The following NPHS1 variants were observed in gnomAD, a reference collection of about 807,000 sequenced individuals.
The protein encoded by NPHS1 is NPHS1 adhesion molecule, nephrin.
In NPHS1, 107 loss-of-function variants were observed where a neutral mutation model predicts 139.7. The ratio of observed to expected loss-of-function variants is 0.77; its 90% confidence interval spans 0.66 to 0.90. NPHS1 has a LOEUF of 0.90. Ranked by LOEUF, NPHS1 falls within the 40% of genes least tolerant of loss-of-function variation. The pLI is 0.00. For synonymous variants in NPHS1, 707 were observed against 706.6 expected, an observed-to-expected ratio of 1.00 and a Z score of -0.01; for missense variants, 1,580 against 1,654.2, an observed-to-expected ratio of 0.96 and a Z score of 0.78.
chr19:35,850,539 C>G, intron 4 of NPHS1, 94 bp from the exon 5 acceptor site: 1 of 1,024,414 alleles, frequency 9.8e-7, no homozygotes, highest in Non-Finnish European at 1.5e-6. Flanking sequence ...GGGTGCGATG[C>G]CCCCTCCCTC....
In NPHS1 at chr19:35,848,918, A is replaced by G. The variant is rs988517789; in HGVS notation, c.1012+58T>C. On this transcript the variant is annotated intron_variant, in intron 8 of 28. Transcript: ENST00000378910. ...TCCAGTAGGCATAATTTGGGGGCACACACAGATGGTTCTCTGAGGCACAGA... is the reference window on the plus strand; with the variant it reads ...TCCAGTAGGCATAATTTGGGGGCACGCACAGATGGTTCTCTGAGGCACAGA... The G allele has an allele frequency of 5.8e-5, 93 of 1,610,826 alleles. 1 individual carries two copies. The Middle Eastern group carries it at 5.9e-4, about 10-fold the overall frequency.
In NPHS1 at chr19:35,830,887, G is replaced by C. The variant is rs1010795962; in HGVS notation, c.3551C>G (p.Pro1184Arg). 6.2e-7 allele frequency: 1 copy of C among 1,613,968 alleles called. No homozygotes were observed. The highest frequency in any genetic ancestry group is 1.7e-5 in the Admixed American group (1 of 60,008). The change falls in exon 28 of 29, where the codon CCC becomes CGC. Residue 1184 changes from proline to arginine, a missense_variant. Pro to Arg is a moderately radical substitution (Grantham distance 103). Transcript: ENST00000378910. ...HLYDEVERTY[P>R]PSGAWGPLYD... ...GAGGGGTCCCCAGGCTCCAGACGGG[G>C]GGTACGTTCTTTCTACCTCATCATA... is the stretch of plus-strand genomic sequence containing the variant.
At chr19:35,850,500 G>A (rs1973223453) in intron 4 of NPHS1, 55 bp from the exon 5 acceptor site, 2 of 1,478,332 alleles carry the variant, frequency 1.4e-6, no homozygotes, top group Non-Finnish European at 1.9e-6. Context: ...GATAGATTCT[G>A]GGGAGCATGG....
At position 35,848,334 on chromosome 19, in the gene NPHS1, C is replaced by G. The variant is rs142008044; in HGVS notation, c.1234G>C (p.Gly412Arg). 1.9e-6 allele frequency: 3 copies of G among 1,614,056 alleles called. No individual in the cohort carries two copies. Among genetic ancestry groups the G allele is most frequent in the South Asian group, 2.2e-5 (2 of 91,076 alleles). The change falls in exon 10 of 29, where the codon GGT (glycine) becomes CGT (arginine). Residue 412 changes from glycine (G) to arginine (R), a missense_variant. By Grantham distance (125) the Gly-to-Arg change is moderately radical. Coordinates refer to ENST00000378910, the MANE Select transcript of NPHS1 (RefSeq NM_004646.4). ...AAGGCCTCACATGTGAGGGTCAGAC[C>G]GTTGTCCTCCCGCCGCGCCAGGAAT... ...LTFLARREDN[G>R]LTLTCEAFSE...
Position 35,825,943 on chromosome 19 carries a change from TTTA to T in NPHS1, c.*568_*570del, listed in dbSNP as rs1972795459. On this transcript the variant is annotated 3_prime_UTR_variant, in exon 29 of 29. Transcript: ENST00000378910. ...TCAGAATAGCATTTTATTTTTTATT[TTTA>T]TTTTATTTTTATTTTTTGAGACAGA... is the stretch of plus-strand genomic sequence containing the variant. 1 of 152,526 alleles carries T rather than the reference TTTA, an allele frequency of 6.6e-6. No homozygotes were observed. The highest frequency in any genetic ancestry group is 2.4e-5 in the African/African-American group (1 of 41,410). 9.4% of individuals were successfully genotyped at this position (152,526 alleles called of 1,614,324 possible).
In NPHS1 at chr19:35,839,736, T is replaced by G. The variant is rs894063862; in HGVS notation, c.2816-129A>C. On this transcript the variant is annotated intron_variant, in intron 20 of 28. Transcript: ENST00000378910. ...CATTGTTCATAGCATACTCATGTTC[T>G]GTAAGGTCATGGTGAACACTGCTCT... 4 of 761,940 alleles carry G rather than the reference T, an allele frequency of 5.2e-6. No individual in the cohort carries two copies. In the Admixed American group the frequency reaches 6.1e-5, roughly 12 times the overall value. 47.2% of individuals were successfully genotyped at this position (761,940 alleles called of 1,614,324 possible).
At chr19:35,834,230 C>T (rs935909597) in intron 23 of NPHS1, among the ~76,000 whole-genome samples, 3 of 152,072 alleles carry the variant, frequency 2.0e-5, no homozygotes, top group Admixed American at 6.6e-5. Context: ...GCTTTTGACC[C>T]CCGTGACCAC....
intron 22 of NPHS1, among the ~76,000 whole-genome samples, chr19:35,837,129 C>T (rs1265033780): frequency 6.6e-6 from 1 of 152,014 alleles, no homozygotes; most frequent in Non-Finnish European, 1.5e-5. Flanking sequence ...GAGACACTTG[C>T]CTATGGTCAC....
chr19:35,837,026 AAAAGAAAGAAAGAAAGAAAGAAAG>A (rs201666209), intron 22 of NPHS1, among the ~76,000 whole-genome samples: 1,392 of 131,922 alleles, frequency 0.011, 28 homozygotes, highest in African/African-American at 0.038. Context: ...AAAAGAAAAG[AAAAGAAAGAAAGAAAGAAAGAAAG>A]AAAGAAAGAA....
Position 35,851,871 on chromosome 19 carries a change from C to T in NPHS1, c.-34G>A, listed in dbSNP as rs772015802. The T allele has an allele frequency of 4.8e-5, 74 of 1,542,256 alleles. No individual in the cohort carries two copies. In the Admixed American group the frequency reaches 7.5e-4, roughly 16 times the overall value. On this transcript the variant is annotated 5_prime_UTR_variant, in exon 1 of 29. Coordinates refer to ENST00000378910, the MANE Select transcript of NPHS1 (RefSeq NM_004646.4). Reference sequence around the variant, plus strand: ...CCCCTACTGTGACCCCCACAGCGCCCGCTGCCAGCCACCTGCGTCTGTCTG... The same window carrying T: ...CCCCTACTGTGACCCCCACAGCGCCTGCTGCCAGCCACCTGCGTCTGTCTG...
rs386833871 is a variant in NPHS1 at position 35,848,672 on chromosome 19, G to A, written c.1135C>T (p.Arg379Trp). The A allele has an allele frequency of 6.8e-6, 11 of 1,613,760 alleles. No homozygotes were observed. Among genetic ancestry groups the A allele is most frequent in the South Asian group, 4.4e-5 (4 of 91,052 alleles). The stretch of plus-strand genomic sequence containing the variant: ...GTCTCCTCCATGGGCAGCAGCTGCC[G>A]CCAGCCCAGCCACCATCGTAGCAGA... ...RVLLRWWLGW[R>W]QLLPMEETVM... is the part of the protein sequence containing the mutation. The change falls in exon 9 of 29, where the codon CGG becomes TGG. Residue 379 changes from arginine to tryptophan, a missense_variant. By Grantham distance (101) the Arg-to-Trp change is moderately radical. Coordinates refer to ENST00000378910, the MANE Select transcript of NPHS1 (RefSeq NM_004646.4).
intron 28 of NPHS1, among the ~76,000 whole-genome samples, chr19:35,828,256 TTTTTTC>T (rs1184925077): frequency 3.3e-5 from 5 of 152,182 alleles, no homozygotes; most frequent in South Asian, 2.1e-4. Context: ...TGGTTTTTAT[TTTTTTC>T]TTTTTCTTTT....
In NPHS1 at chr19:35,841,696, C is replaced by A. The variant is rs777930700; in HGVS notation, c.2815+19G>T. On this transcript the variant is annotated intron_variant, in intron 20 of 28. Transcript: ENST00000378910. ...CCAGGGAGCACCCCCTCCCCAACAC[C>A]CTCACAGCCCCTCCATACTGATGCT... 2.5e-6 allele frequency: 4 copies of A among 1,614,046 alleles called. No individual in the cohort carries two copies. The Admixed American group carries it at 6.7e-5, about 27-fold the overall frequency.
chr19:35,835,779 A>G lies in NPHS1; in HGVS notation c.3110-18T>C. The G allele has an allele frequency of 6.2e-7, 1 of 1,610,734 alleles. No individual in the cohort carries two copies. The highest frequency in any genetic ancestry group is 8.5e-7 in the Non-Finnish European group (1 of 1,177,118). On this transcript the variant is annotated intron_variant, in intron 22 of 28. Transcript: ENST00000378910. The stretch of plus-strand genomic sequence containing the variant: ...GTGGAGACCTGGGGGGTGGATATAC[A>G]GATTGTGACTTAACACTAAGAATCT...
In NPHS1 at chr19:35,848,631, C is replaced by T. The variant is rs1309547649; in HGVS notation, c.1170+6G>A. The T allele has an allele frequency of 2.5e-6, 4 of 1,613,112 alleles. No individual in the cohort carries two copies. In the African/African-American group the frequency reaches 5.3e-5, roughly 22 times the overall value. On this transcript the variant is annotated splice_donor_region_variant and intron_variant, in intron 9 of 28. Transcript: ENST00000378910. ...CTCAGACCCAGGAGCCTGGCCCCCG[C>T]CTCACATCCATGACTGTCTCCTCCA...
chr19:35,843,726 C>A, intron 16 of NPHS1, 133 bp from the exon 17 acceptor site: 2 of 1,161,162 alleles, frequency 1.7e-6, no homozygotes, highest in East Asian at 2.4e-5. Flanking sequence ...CCCTTAATAC[C>A]AAAGGGTTGG....
Position 35,844,245 on chromosome 19 carries a change from T to G in NPHS1, c.2072-2A>C. ...GGATGCGATGCCGGGGGCCGCCCGC[T>G]GGGGAAGGCCAGAATAAGGGACCTG... is the stretch of plus-strand genomic sequence containing the variant. On this transcript the variant is annotated splice_acceptor_variant, in intron 15 of 28. Transcript: ENST00000378910. LOFTEE classifies it high-confidence loss of function. The G allele has an allele frequency of 6.2e-7, 1 of 1,613,508 alleles. No homozygotes were observed. The highest frequency in any genetic ancestry group is 1.3e-5 in the African/African-American group (1 of 75,064).
intron 28 of NPHS1, among the ~76,000 whole-genome samples, chr19:35,827,606 T>G (rs991279328): frequency 1.3e-5 from 2 of 152,106 alleles, no homozygotes; most frequent in African/African-American, 4.8e-5. Flanking sequence ...GTTAGAAAAA[T>G]AATGTAAATG....
At position 35,851,275 on chromosome 19, in the gene NPHS1, G is replaced by T. The variant is rs773960831; in HGVS notation, c.384C>A (p.Ile128=). ...TCTCACCCATACCCAGGATGGAGAG[G>T]ATCACTCTGGGAGACACGAGCTCGG... The part of the protein sequence containing the change: ...MGPELVSPRV[I]LSILVPPKLL... Residue 128 remains isoleucine (I), a synonymous_variant, in exon 3 of 29, where the codon ATC becomes ATA. Coordinates refer to ENST00000378910, the MANE Select transcript of NPHS1 (RefSeq NM_004646.4). 5 of 1,614,048 alleles carry T rather than the reference G, an allele frequency of 3.1e-6. No homozygotes were observed. The highest frequency in any genetic ancestry group is 1.1e-5 in the South Asian group (1 of 91,076).
Sources: gnomAD v4.1 joint callset for allele counts (sites outside exome capture counted in the v4.1 genomes callset) on GRCh38, gnomAD v4.1.1 for gene constraint, MANE v1.5 for transcripts, NCBI Gene and HGNC (gene_info 2026-07-23, HGNC 2026-07-21) for gene names.